HLA-DMB: variants seen among roughly 807,000 people sequenced by gnomAD.
The protein encoded by HLA-DMB is major histocompatibility complex, class II, DM beta, also known as HLA class II histocompatibility antigen, DM beta chain.
HLA-DMB carries 18 observed loss-of-function variants against 29.3 expected under a neutral mutation model. The ratio of observed to expected loss-of-function variants is 0.62; its 90% CI spans 0.43 to 0.91. HLA-DMB has a LOEUF of 0.91. Ranked by LOEUF, HLA-DMB falls within the 40% of genes least tolerant of loss-of-function variation. The pLI is 0.00. For missense variants in HLA-DMB, 258 were observed against 320.9 expected (o/e 0.80, Z 1.50); for synonymous variants, 143 against 128.7 (o/e 1.11, Z -0.75).
In HLA-DMB at chr6:32,934,891, G is replaced by A; in HGVS notation, c.*80C>T. On this transcript the variant is annotated 3_prime_UTR_variant, in exon 6 of 6. Transcript: ENST00000418107. ...GGATCCAAGATAATGTCAGGGGGTT[G>A]AAGATGTTGGAGAGGCATGGTAGCA... is the stretch of plus-strand genomic sequence containing the variant. The A allele has an allele frequency of 1.0e-5, 13 of 1,304,604 alleles. No individual in the cohort carries two copies. Among genetic ancestry groups the A allele is most frequent in the Non-Finnish European group, 1.4e-5 (13 of 899,948 alleles). The allele number at this position is 1,304,604 out of a possible 1,614,324, so 80.8% of individuals were successfully genotyped here.
chr6:32,934,976 A>G lies in HLA-DMB; in HGVS notation c.787T>C (p.Ser263Pro). 6.2e-7 allele frequency: 1 copy of G among 1,612,902 alleles called. No individual in the cohort carries two copies. Among genetic ancestry groups the G allele is most frequent in the Non-Finnish European group, 8.5e-7 (1 of 1,179,942 alleles). Reference sequence around the variant, plus strand: ...GAAGTTGTAGGATTCTGCCTCTAGGAAATGTGCCATCCTACAGAATAAATA... The same window carrying G: ...GAAGTTGTAGGATTCTGCCTCTAGGGAATGTGCCATCCTACAGAATAAATA... ...GSNYSEGWHI[S>P] is the part of the protein sequence containing the mutation. The change falls in exon 6 of 6, where the codon TCC becomes CCC. Residue 263 changes from serine (S) to proline (P), a missense_variant. By Grantham distance (74) the Ser-to-Pro change is moderately conservative. Transcript: ENST00000418107.
rs529092446 is a variant in HLA-DMB at position 32,935,095 on chromosome 6, G to A, written c.776-108C>T. 2.6e-4 allele frequency: 332 copies of A among 1,290,452 alleles called. 1 individual carries two copies. Among genetic ancestry groups the A allele is most frequent in the Non-Finnish European group, 3.5e-4 (317 of 899,478 alleles). 79.9% of individuals were successfully genotyped at this position (1,290,452 alleles called of 1,614,324 possible). ...AATACAGTGATACTGAAAACTCCAGGGCACCAACAACTAATACAAAGGAAG... is the reference window on the plus strand; with the variant it reads ...AATACAGTGATACTGAAAACTCCAGAGCACCAACAACTAATACAAAGGAAG... On this transcript the variant is annotated intron_variant, in intron 5 of 5. Coordinates refer to ENST00000418107, the MANE Select transcript of HLA-DMB (RefSeq NM_002118.5).
chr6:32,938,540 C>T (rs751227788), intron 2 of HLA-DMB, 144 bp downstream of exon 2: 1 of 830,836 alleles, frequency 1.2e-6, no homozygotes, highest in South Asian at 2.9e-5. Flanking sequence ...GAGGTTCAAT[C>T]CTCCGTCTTT....
rs190602907 is a variant in HLA-DMB, at chr6:32,940,388, A to T, written c.55+365T>A. ...CAGAACACAGACCTTCAGTAAGGCA[A>T]ATTATTGAGAGAGAAAAAGGGTCAA... is the stretch of plus-strand genomic sequence containing the variant. On this transcript the variant is annotated intron_variant, in intron 1 of 5. Coordinates refer to ENST00000418107, the MANE Select transcript of HLA-DMB (RefSeq NM_002118.5). 3.3e-3 allele frequency among the ~76,000 whole-genome samples: 509 copies of T among 152,204 alleles called. 2 individuals carry two copies. Among genetic ancestry groups the T allele is most frequent in the African/African-American group, 0.012 (487 of 41,522 alleles).
In HLA-DMB at chr6:32,937,405, G is replaced by A. The variant is rs1776072410; in HGVS notation, c.389C>T (p.Pro130Leu). Reference sequence around the variant, plus strand: ...CCACACATAGCAGGCCAGCATCACAGGCTCCCTCGTGTTAAAAGGAGTGGT... The same window carrying A: ...CCACACATAGCAGGCCAGCATCACAAGCTCCCTCGTGTTAAAAGGAGTGGT... ...AKTTPFNTRE[P>L]VMLACYVWGF... Residue 130 changes from proline (P) to leucine (L), a missense_variant, in exon 3 of 6, where the codon CCT becomes CTT. By Grantham distance (98) the Pro-to-Leu change is moderately conservative (BLOSUM62 -3). Transcript: ENST00000418107. This position sits in a 1 kb window ranked among gnomAD's most constrained non-coding sequence, Gnocchi z 4.1. 2.5e-6 allele frequency: 4 copies of A among 1,614,084 alleles called. No individual in the cohort carries two copies. The highest frequency in any genetic ancestry group is 3.4e-6 in the Non-Finnish European group (4 of 1,180,036).
In HLA-DMB at chr6:32,935,564, C is replaced by T; in HGVS notation, c.711G>A (p.Val237=). Reference sequence around the variant, plus strand: ...AGTGGCCAGCTCTCCGCCAGCTGATCACACCAAGAGAGAAGATGATGAGGC... The same window carrying T: ...AGTGGCCAGCTCTCCGCCAGCTGATTACACCAAGAGAGAAGATGATGAGGC... ...GLGLIIFSLG[V]ISWRRAGHSS... is the part of the protein sequence containing the mutation. Residue 237 remains valine (V), a synonymous_variant, in exon 4 of 6, where the codon GTG becomes GTA. Coordinates refer to ENST00000418107, the MANE Select transcript of HLA-DMB (RefSeq NM_002118.5). 1.2e-6 allele frequency: 2 copies of T among 1,613,028 alleles called. No homozygotes were observed. The highest frequency in any genetic ancestry group is 8.5e-7 in the Non-Finnish European group (1 of 1,179,978).
chr6:32,936,776 T>C (rs547982698), intron 3 of HLA-DMB: 1 of 164,856 alleles, frequency 6.1e-6, no homozygotes, highest in Non-Finnish European at 1.3e-5. Flanking sequence ...GAGGCTAGAA[T>C]AGTGTATTAC....
At chr6:32,936,979 A>G (rs536344218) in intron 3 of HLA-DMB, 193 bp downstream of exon 3, 1 of 426,642 alleles carries the variant, frequency 2.3e-6, no homozygotes, top group African/African-American at 2.0e-5. Context: ...CAAAAACTGC[A>G]ATTACTTTTG....
At chr6:32,935,295 A>G (rs1291363226) in intron 5 of HLA-DMB, 47 bp downstream of exon 5, 1 of 1,492,870 alleles carries the variant, frequency 6.7e-7, no homozygotes, top group Non-Finnish European at 9.3e-7. Context: ...TCTAACCCGC[A>G]CCCCTACCAA....
At chr6:32,935,700 C>A in intron 3 of HLA-DMB, 48 bp from the exon 4 acceptor site, 2 of 1,360,090 alleles carry the variant, frequency 1.5e-6, no homozygotes, top group Non-Finnish European at 2.1e-6. Flanking sequence ...TGCTCACCCC[C>A]AGGGCAATTC....
chr6:32,937,314 G>A lies in HLA-DMB; in HGVS notation c.480C>T (p.Ser160=), dbSNP rs1561861279. The change falls in exon 3 of 6, where the codon AGC becomes AGT. Residue 160 remains serine, a synonymous_variant. Coordinates refer to ENST00000418107, the MANE Select transcript of HLA-DMB (RefSeq NM_002118.5). This position sits in a 1 kb window ranked among gnomAD's most constrained non-coding sequence, Gnocchi z 4.1. ...RKNGKLVMPH[S]SAHKTAQPNG... Reference sequence around the variant, plus strand: ...TGGGCTGGGCAGTCTTGTGCGCACTGCTGTGAGGCATGACAAGCTTCCCGT... The same window carrying A: ...TGGGCTGGGCAGTCTTGTGCGCACTACTGTGAGGCATGACAAGCTTCCCGT... The A allele has an allele frequency of 5.6e-6, 9 of 1,614,214 alleles. No homozygotes were observed. The highest frequency in any genetic ancestry group is 7.6e-6 in the Non-Finnish European group (9 of 1,180,042).
chr6:32,939,048 T>C, intron 1 of HLA-DMB, 83 bp from the exon 2 acceptor site: 1 of 834,812 alleles, frequency 1.2e-6, no homozygotes, highest in African/African-American at 1.8e-5. Flanking sequence ...ATAATAAATA[T>C]ACACAAATAA....
In HLA-DMB at chr6:32,934,752, T is replaced by G. The variant is rs1335545791; in HGVS notation, c.*219A>C. On this transcript the variant is annotated 3_prime_UTR_variant, in exon 6 of 6. Coordinates refer to ENST00000418107, the MANE Select transcript of HLA-DMB (RefSeq NM_002118.5). ...TCAGATTATATTCATCCCAGAAATA[T>G]AGCCTTGGACAATAATTTGGTTACA... 2 of 594,806 alleles carry G rather than the reference T, an allele frequency of 3.4e-6. No homozygotes were observed. The highest frequency in any genetic ancestry group is 4.0e-4 in the Middle Eastern group (1 of 2,498). The allele number at this position is 594,806 out of a possible 1,614,324, so 36.8% of individuals were successfully genotyped here.
Position 32,940,923 on chromosome 6 carries a change from G to T in HLA-DMB, c.-116C>A. ...TGGGTAGATGATCTCCAGACACTGA[G>T]CAGAATACTATATTGCCCGGGTCCC... On this transcript the variant is annotated 5_prime_UTR_variant, in exon 1 of 6. Coordinates refer to ENST00000418107, the MANE Select transcript of HLA-DMB (RefSeq NM_002118.5). 1 of 737,852 alleles carries T rather than the reference G, an allele frequency of 1.4e-6. No individual in the cohort carries two copies. The highest frequency in any genetic ancestry group is 2.3e-6 in the Non-Finnish European group (1 of 433,182). 45.7% of individuals were successfully genotyped at this position (737,852 alleles called of 1,614,324 possible). A position where few individuals can be genotyped will look rare whatever the true frequency, so the allele number is the denominator to read the frequency against.
chr6:32,937,477 T>A lies in HLA-DMB; in HGVS notation c.338-21A>T. 6.3e-7 allele frequency: 1 copy of A among 1,599,346 alleles called. No homozygotes were observed. Among genetic ancestry groups the A allele is most frequent in the Non-Finnish European group, 8.5e-7 (1 of 1,170,062 alleles). ...TGGCCCTGCATAGGAGAAAAAAACATGTTTAGGAAGGAGGGTGACATTCTG... is the reference window on the plus strand; with the variant it reads ...TGGCCCTGCATAGGAGAAAAAAACAAGTTTAGGAAGGAGGGTGACATTCTG... On this transcript the variant is annotated intron_variant, in intron 2 of 5. Coordinates refer to ENST00000418107, the MANE Select transcript of HLA-DMB (RefSeq NM_002118.5). The surrounding 1 kb of genome is among the most constrained non-coding windows in gnomAD (Gnocchi z 4.1).
In HLA-DMB at chr6:32,937,393, G is replaced by A. The variant is rs774238503; in HGVS notation, c.401C>T (p.Ala134Val). The change falls in exon 3 of 6, where the codon GCC becomes GTC. Residue 134 changes from alanine (A) to valine (V), a missense_variant. Coordinates refer to ENST00000418107, the MANE Select transcript of HLA-DMB (RefSeq NM_002118.5). The surrounding 1 kb of genome is among the most constrained non-coding windows in gnomAD (Gnocchi z 4.1). Reference sequence around the variant, plus strand: ...TGGATAGAAGCCCCACACATAGCAGGCCAGCATCACAGGCTCCCTCGTGTT... The same window carrying A: ...TGGATAGAAGCCCCACACATAGCAGACCAGCATCACAGGCTCCCTCGTGTT... ...PFNTREPVML[A>V]CYVWGFYPAE... 6.2e-7 allele frequency: 1 copy of A among 1,614,062 alleles called. No individual in the cohort carries two copies. The highest frequency in any genetic ancestry group is 1.3e-5 in the African/African-American group (1 of 74,912).
Position 32,934,744 on chromosome 6 carries a change from C to A in HLA-DMB, c.*227G>T. Reference sequence around the variant, plus strand: ...TCCCTTCCTCAGATTATATTCATCCCAGAAATATAGCCTTGGACAATAATT... The same window carrying A: ...TCCCTTCCTCAGATTATATTCATCCAAGAAATATAGCCTTGGACAATAATT... On this transcript the variant is annotated 3_prime_UTR_variant, in exon 6 of 6. Coordinates refer to ENST00000418107, the MANE Select transcript of HLA-DMB (RefSeq NM_002118.5). 1 of 589,180 alleles carries A rather than the reference C, an allele frequency of 1.7e-6. No individual in the cohort carries two copies. The highest frequency in any genetic ancestry group is 3.0e-6 in the Non-Finnish European group (1 of 332,608). The allele number at this position is 589,180 out of a possible 1,614,324, so 36.5% of individuals were successfully genotyped here. A position where few individuals can be genotyped will look rare whatever the true frequency, so the allele number is the denominator to read the frequency against.
At chr6:32,936,569 G>C (rs910028076) in intron 3 of HLA-DMB, 1 of 152,294 alleles carries the variant, frequency 6.6e-6, no homozygotes, top group African/African-American at 2.4e-5. Context: ...TGTTTGAACT[G>C]TAAGTAATTC....
Position 32,935,669 on chromosome 6 carries a change from C to T in HLA-DMB, c.623-17G>A, listed in dbSNP as rs1198374390. 1.3e-6 allele frequency: 2 copies of T among 1,582,442 alleles called. No individual in the cohort carries two copies. Among genetic ancestry groups the T allele is most frequent in the Admixed American group, 1.7e-5 (1 of 59,874 alleles). On this transcript the variant is annotated splice_polypyrimidine_tract_variant and intron_variant, in intron 3 of 5. Transcript: ENST00000418107. ...GCCCAGGTGCTGCAAAAAATAGAAA[C>T]TTACTTGACCCAGTTTCTGTTGCTC...
Sources: allele counts gnomAD v4.1 joint callset (sites outside exome capture counted in the v4.1 genomes callset), GRCh38; gene constraint gnomAD v4.1.1; non-coding constraint Gnocchi (gnomAD v3.1); transcripts MANE v1.5; gene names NCBI Gene and HGNC (gene_info 2026-07-23, HGNC 2026-07-21).